The following DKK2 variants were observed in gnomAD, a reference collection of about 807,000 sequenced individuals.
DKK2 encodes the protein dickkopf-related protein 2.
In DKK2, 11 loss-of-function variants were observed where a neutral mutation model predicts 28.1. The observed-to-expected ratio is 0.39, with a 90% CI of 0.25 to 0.65. The LOEUF (loss-of-function observed/expected upper bound fraction) is 0.65, where lower values mean the gene tolerates loss of function less well. DKK2 is among the 30% of genes least tolerant of loss of function. DKK2 has a pLI of 0.47. For missense variants in DKK2, 326 were observed against 335.5 expected (o/e 0.97, Z 0.22); for synonymous variants, 135 against 126.5 (o/e 1.07, Z -0.45).
At chr4:106,980,979 C>A (rs1723019172) in intron 1 of DKK2, among the ~76,000 whole-genome samples, 1 of 152,124 alleles carries the variant, frequency 6.6e-6, no homozygotes, top group African/African-American at 2.4e-5. Context: ...TATTATCCCT[C>A]CACCCGAAGA....
intron 1 of DKK2, among the ~76,000 whole-genome samples, chr4:107,023,888 T>C (rs1560594181): frequency 2.0e-5 from 3 of 152,174 alleles, no homozygotes; most frequent in Admixed American, 6.5e-5. Context: ...TATATGTATA[T>C]GTATTATGTT....
chr4:106,944,690 A>C (rs1165208273), intron 1 of DKK2, among the ~76,000 whole-genome samples: 1 of 152,120 alleles, frequency 6.6e-6, no homozygotes, highest in Non-Finnish European at 1.5e-5. Flanking sequence ...ACATGTTTTG[A>C]GTCCAGACAG....
chr4:107,003,630 C>T (rs1381747266), intron 1 of DKK2, among the ~76,000 whole-genome samples: 1 of 152,214 alleles, frequency 6.6e-6, no homozygotes, highest in African/African-American at 2.4e-5. Context: ...AGTTGTGCCC[C>T]ATTGGCTCCT....
intron 1 of DKK2, among the ~76,000 whole-genome samples, chr4:106,956,543 C>T (rs1218597761): frequency 1.3e-5 from 2 of 152,140 alleles, no homozygotes; most frequent in African/African-American, 4.8e-5. Context: ...GGTATTGTTA[C>T]CAAAACGGAG....
intron 1 of DKK2, among the ~76,000 whole-genome samples, chr4:107,010,307 T>C (rs916368189): frequency 4.6e-5 from 7 of 151,768 alleles, no homozygotes; most frequent in Admixed American, 3.3e-4. Flanking sequence ...TTAGGACAGC[T>C]AAGTATGAAG....
At chr4:107,032,305 T>C (rs1723886903) in intron 1 of DKK2, among the ~76,000 whole-genome samples, 1 of 152,064 alleles carries the variant, frequency 6.6e-6, no homozygotes, top group African/African-American at 2.4e-5. Flanking sequence ...GTAACACCTC[T>C]GGAGAACAGT....
chr4:106,948,085 CATT>C (rs1353501723), intron 1 of DKK2, among the ~76,000 whole-genome samples: 1 of 152,114 alleles, frequency 6.6e-6, no homozygotes, highest in African/African-American at 2.4e-5. Flanking sequence ...TTTGAGTGGG[CATT>C]ATTAACTTCA....
intron 1 of DKK2, among the ~76,000 whole-genome samples, chr4:106,945,977 A>C (rs904666992): frequency 2.6e-5 from 4 of 152,164 alleles, no homozygotes; most frequent in African/African-American, 9.6e-5. Context: ...CATGATTGCT[A>C]GAGCTTCTTT....
chr4:107,026,426 C>T (rs1012361216), intron 1 of DKK2, among the ~76,000 whole-genome samples: 3 of 151,976 alleles, frequency 2.0e-5, no homozygotes, highest in African/African-American at 7.2e-5. Context: ...AATATTTGTG[C>T]ATATTATATT....
chr4:106,939,677 C>G (rs1015397889), intron 1 of DKK2, among the ~76,000 whole-genome samples: 5 of 152,134 alleles, frequency 3.3e-5, no homozygotes, highest in African/African-American at 1.2e-4. Flanking sequence ...AAGAACAAAG[C>G]TGGAGGCATC....
Position 106,923,000 on chromosome 4 carries a change from C to G in DKK2, c.*954G>C, listed in dbSNP as rs419764. ...TTACCAATCTAATTCTATCAAAATA[C>G]AGGTTATGGCCAATCTTTAAGAAAT... On this transcript the variant is annotated 3_prime_UTR_variant, in exon 4 of 4. Coordinates refer to ENST00000285311, the MANE Select transcript of DKK2 (RefSeq NM_014421.3). The G allele has an allele frequency of 6.6e-6, 1 of 151,944 alleles. No homozygotes were observed. The highest frequency in any genetic ancestry group is 6.6e-5 in the Admixed American group (1 of 15,244). The allele number at this position is 151,944 out of a possible 1,614,324, so 9.4% of individuals were successfully genotyped here. A position where few individuals can be genotyped will look rare whatever the true frequency, so the allele number is the denominator to read the frequency against.
Position 107,001,526 on chromosome 4 carries a change from A to G in DKK2, c.222+33844T>C, listed in dbSNP as rs182378606. Among the ~76,000 whole-genome samples the G allele has an allele frequency of 7.2e-5, 11 of 152,324 alleles. No individual in the cohort carries two copies. The East Asian group carries it at 1.9e-3, about 27-fold the overall frequency. ...TAAGGAAATAGCTTTTAGAGGCAAC[A>G]GAACTAGAATTTAAAAAAAACGAGT... On this transcript the variant is annotated intron_variant, in intron 1 of 3. Transcript: ENST00000285311.
At chr4:106,981,676 A>G (rs1165430415) in intron 1 of DKK2, among the ~76,000 whole-genome samples, 1 of 152,072 alleles carries the variant, frequency 6.6e-6, no homozygotes, top group East Asian at 1.9e-4. Flanking sequence ...GACTTTGCCT[A>G]TTTGAAATCC....
chr4:106,979,331 G>T (rs1461621044), intron 1 of DKK2, among the ~76,000 whole-genome samples: 1 of 151,850 alleles, frequency 6.6e-6, no homozygotes, highest in African/African-American at 2.4e-5. Context: ...GCTAACAAAG[G>T]TTAAATAAAA....
At chr4:106,942,796 G>A (rs1470420256) in intron 1 of DKK2, among the ~76,000 whole-genome samples, 4 of 151,906 alleles carry the variant, frequency 2.6e-5, no homozygotes, top group Admixed American at 1.3e-4. Context: ...ACATTGAACA[G>A]TGAAGTGTAT....
At chr4:106,968,415 C>T (rs570866280) in intron 1 of DKK2, among the ~76,000 whole-genome samples, 4 of 152,110 alleles carry the variant, frequency 2.6e-5, no homozygotes, top group Non-Finnish European at 5.9e-5. Context: ...AACCAGTTCT[C>T]ACACAAGCCT....
intron 1 of DKK2, among the ~76,000 whole-genome samples, chr4:107,029,921 A>T (rs568867506): frequency 5.3e-5 from 8 of 152,122 alleles, no homozygotes; most frequent in African/African-American, 1.4e-4. Context: ...ACATTTTTTT[A>T]AAAATTGACT....
intron 1 of DKK2, among the ~76,000 whole-genome samples, chr4:106,959,888 A>G (rs1722660552): frequency 6.6e-6 from 1 of 152,036 alleles, no homozygotes; most frequent in African/African-American, 2.4e-5. Flanking sequence ...TGTTCAAGAT[A>G]TCAATTTTTA....
intron 1 of DKK2, among the ~76,000 whole-genome samples, chr4:107,008,051 T>C (rs1048936540): frequency 6.6e-6 from 1 of 152,182 alleles, no homozygotes; most frequent in Non-Finnish European, 1.5e-5. Flanking sequence ...TTACTAGTTA[T>C]GTCCCAGCTT....
Sources: allele counts gnomAD v4.1 joint callset (sites outside exome capture counted in the v4.1 genomes callset), GRCh38; gene constraint gnomAD v4.1.1; transcripts MANE v1.5; gene names NCBI Gene and HGNC (gene_info 2026-07-23, HGNC 2026-07-21).